Variants in EPB41L4B observed in about 807,000 individuals in gnomAD.
EPB41L4B encodes the protein erythrocyte membrane protein band 4.1 like 4B, also known as band 4.1-like protein 4B.
EPB41L4B carries 30 observed loss-of-function variants against 112.5 expected under a neutral mutation model. The ratio of observed to expected loss-of-function variants is 0.27; its 90% CI spans 0.20 to 0.36. EPB41L4B has a LOEUF of 0.36. Ranked by LOEUF, EPB41L4B falls within the 10% of genes least tolerant of loss-of-function variation. The pLI is 1.00. For synonymous variants in EPB41L4B, 408 were observed against 439.7 expected (o/e 0.93, Z 0.90); for missense variants, 1,024 against 1,133.3 (o/e 0.90, Z 1.38).
chr9:109,192,540 A>C (rs1444010973), intron 21 of EPB41L4B, among the ~76,000 whole-genome samples, 185 bp from the exon 22 acceptor site: 1 of 152,202 alleles, frequency 6.6e-6, no homozygotes, highest in Non-Finnish European at 1.5e-5. Context: ...CAATTTTTTC[A>C]TAGGTAGAAG....
intron 4 of EPB41L4B, 70 bp from the exon 5 acceptor site, chr9:109,265,094 C>CTGCAAACCCCA: frequency 8.0e-7 from 1 of 1,251,476 alleles, no homozygotes. Context: ...CAGCTTCCCA[C>CTGCAAACCCCA]TGCAAACCCC....
At chr9:109,296,776 A>G (rs1312216487) in intron 1 of EPB41L4B, among the ~76,000 whole-genome samples, 1 of 151,850 alleles carries the variant, frequency 6.6e-6, no homozygotes, top group Non-Finnish European at 1.5e-5. Context: ...AGCCCCAGTC[A>G]CTGGGGAGTA....
chr9:109,300,301 C>T (rs1252519774), intron 1 of EPB41L4B: 2 of 152,124 alleles, frequency 1.3e-5, no homozygotes, highest in Non-Finnish European at 2.9e-5. Flanking sequence ...ATACTATTAA[C>T]AACGGCAGCA....
intron 15 of EPB41L4B, among the ~76,000 whole-genome samples, chr9:109,236,521 A>G (rs1834148366): frequency 1.3e-5 from 2 of 152,152 alleles, no homozygotes; most frequent in South Asian, 4.1e-4. Flanking sequence ...AAAAGTGAAA[A>G]GCAAACCTGG....
chr9:109,203,705 A>T lies in EPB41L4B; in HGVS notation c.1904T>A (p.Val635Glu). ...AAGACTGGATTTCTTATTGATATTT[A>T]CAAACGGTGATTCCTCCTTTCCACC... Reference protein sequence around the residue: ...IQGGKEESPFVNINKKSSLQD... With the variant: ...IQGGKEESPFENINKKSSLQD... The change falls in exon 19 of 26, where the codon GTA becomes GAA. Residue 635 changes from valine to glutamate, a missense_variant. By Grantham distance (121) the Val-to-Glu change is moderately radical (BLOSUM62 -2). Coordinates refer to ENST00000374566, the MANE Select transcript of EPB41L4B (RefSeq NM_019114.5). The T allele has an allele frequency of 6.2e-7, 1 of 1,614,074 alleles. No homozygotes were observed. The highest frequency in any genetic ancestry group is 8.5e-7 in the Non-Finnish European group (1 of 1,179,936).
At chr9:109,298,469 A>C (rs888154870) in intron 1 of EPB41L4B, among the ~76,000 whole-genome samples, 1 of 152,012 alleles carries the variant, frequency 6.6e-6, no homozygotes, top group East Asian at 1.9e-4. Flanking sequence ...GCCTGCCACC[A>C]CACCCAGCTA....
intron 21 of EPB41L4B, among the ~76,000 whole-genome samples, chr9:109,193,730 T>C (rs1832545538): frequency 6.6e-6 from 1 of 152,252 alleles, no homozygotes; most frequent in South Asian, 2.1e-4. Context: ...GCCTTTGTCA[T>C]AGCCCATTCA....
intron 1 of EPB41L4B, among the ~76,000 whole-genome samples, chr9:109,294,303 T>C (rs1249471161): frequency 3.1e-5 from 4 of 129,338 alleles, no homozygotes; most frequent in Admixed American, 8.1e-5. Flanking sequence ...TGAGACTCCG[T>C]CTCAAAAAAA....
intron 25 of EPB41L4B, among the ~76,000 whole-genome samples, chr9:109,176,160 C>T (rs989853915): frequency 6.6e-6 from 1 of 151,736 alleles, no homozygotes. Context: ...CAAAGTCTCA[C>T]TCTGTTGCCC....
intron 17 of EPB41L4B, 38 bp downstream of exon 17, chr9:109,213,662 C>A (rs1833258966): frequency 1.3e-6 from 2 of 1,568,448 alleles, no homozygotes; most frequent in South Asian, 1.1e-5. Flanking sequence ...ATGTCAGCAC[C>A]AAGTCCATGG....
chr9:109,314,638 C>CCA (rs201430631), intron 1 of EPB41L4B, among the ~76,000 whole-genome samples: 2,605 of 131,174 alleles, frequency 0.02, 60 homozygotes, highest in African/African-American at 0.077. Flanking sequence ...TCTCTCACCC[C>CCA]CCCCCACCTC....
At chr9:109,186,872 G>A (rs1832290281) in intron 22 of EPB41L4B, among the ~76,000 whole-genome samples, 1 of 152,210 alleles carries the variant, frequency 6.6e-6, no homozygotes, top group South Asian at 2.1e-4. Flanking sequence ...CGAGATGCAT[G>A]GGCCCAGCCG....
At chr9:109,175,512 C>CACAT (rs368322359) in intron 25 of EPB41L4B, among the ~76,000 whole-genome samples, 2 of 142,470 alleles carry the variant, frequency 1.4e-5, no homozygotes, top group African/African-American at 5.6e-5. Flanking sequence ...CACACACACA[C>CACAT]AGAGTAAATA....
chr9:109,267,323 G>C (rs1361677911), intron 4 of EPB41L4B, 150 bp downstream of exon 4: 3 of 508,878 alleles, frequency 5.9e-6, no homozygotes, highest in Non-Finnish European at 1.1e-5. Flanking sequence ...ATTTTTAACG[G>C]AACACGGAAG....
intron 13 of EPB41L4B, among the ~76,000 whole-genome samples, chr9:109,250,317 C>T (rs2119002793): frequency 6.6e-6 from 1 of 152,288 alleles, no homozygotes; most frequent in East Asian, 1.9e-4. Context: ...GCTCTCCTCG[C>T]TCACCGGGGT....
intron 1 of EPB41L4B, among the ~76,000 whole-genome samples, chr9:109,301,788 TG>T (rs1215141256): frequency 6.6e-6 from 1 of 152,160 alleles, no homozygotes; most frequent in East Asian, 1.9e-4. Context: ...TAACCCCAAC[TG>T]ATACTCAGGT....
rs530166238 is a variant in EPB41L4B, at chr9:109,194,044, G to C, written c.2223+176C>G. On this transcript the variant is annotated intron_variant, in intron 21 of 25. Coordinates refer to ENST00000374566, the MANE Select transcript of EPB41L4B (RefSeq NM_019114.5). Reference sequence around the variant, plus strand: ...TCACTCATTGTCTCACAAATGGTTGGCTTGTATTTTGGGGTCAAGTTATAT... The same window carrying C: ...TCACTCATTGTCTCACAAATGGTTGCCTTGTATTTTGGGGTCAAGTTATAT... Among the ~76,000 whole-genome samples, 109 of 152,274 alleles carry C rather than the reference G, an allele frequency of 7.2e-4. 4 individuals are homozygous for C. The South Asian group carries it at 0.022, about 31-fold the overall frequency.
chr9:109,243,806 C>A (rs754444395), intron 14 of EPB41L4B, 124 bp from the exon 15 acceptor site: 108 of 893,454 alleles, frequency 1.2e-4, no homozygotes, highest in Non-Finnish European at 1.1e-4. Context: ...AGGCTATAGA[C>A]CCTGGCTAGG....
At chr9:109,239,815 C>T in intron 15 of EPB41L4B, 1 of 985,404 alleles carries the variant, frequency 1.0e-6, no homozygotes, top group Non-Finnish European at 1.2e-6. Context: ...GGATGCCTTC[C>T]TGCCAGGAAG....
Sources: gnomAD v4.1 joint callset for allele counts (sites outside exome capture counted in the v4.1 genomes callset) on GRCh38, gnomAD v4.1.1 for gene constraint, MANE v1.5 for transcripts, NCBI Gene and HGNC (gene_info 2026-07-23, HGNC 2026-07-21) for gene names.